Variants in CAMSAP2 observed in about 807,000 individuals in gnomAD.
CAMSAP2 encodes the protein calmodulin regulated spectrin associated protein family member 2, also known as calmodulin-regulated spectrin-associated protein 2.
A neutral mutation model predicts 146.1 loss-of-function variants in CAMSAP2; 26 were observed. The ratio of observed to expected loss-of-function variants is 0.18; its 90% CI spans 0.13 to 0.25. CAMSAP2 has a LOEUF of 0.25. Ranked by LOEUF, CAMSAP2 falls within the 10% of genes least tolerant of loss-of-function variation. CAMSAP2 has a pLI of 1.00. For synonymous variants in CAMSAP2, 499 were observed against 596.6 expected, an observed-to-expected ratio of 0.84 and a Z score of 2.38; for missense variants, 1,381 against 1,759.3, an observed-to-expected ratio of 0.78 and a Z score of 3.85.
chr1:200,815,645 GTATT>G lies in CAMSAP2; in HGVS notation c.645+7_645+10del, dbSNP rs752133732. ...AGTTGAAGCTCCAGGAGGTCAAAAG[GTATT>G]TATTTCAAAAACAAAAAGGTGCCTT... On this transcript the variant is annotated splice_donor_variant and splice_donor_5th_base_variant and intron_variant, in intron 4 of 16. Coordinates refer to ENST00000358823, the MANE Select transcript of CAMSAP2 (RefSeq NM_203459.4). LOFTEE classifies it high-confidence loss of function. 3.9e-6 allele frequency: 6 copies of G among 1,536,742 alleles called. No homozygotes were observed. In the African/African-American group the frequency reaches 5.6e-5, roughly 14 times the overall value.
At chr1:200,823,198 C>T (rs1208987053) in intron 4 of CAMSAP2, among the ~76,000 whole-genome samples, 1 of 152,140 alleles carries the variant, frequency 6.6e-6, no homozygotes, top group East Asian at 1.9e-4. Flanking sequence ...TTTTCTTCTT[C>T]CACCCATCTA....
intron 2 of CAMSAP2, among the ~76,000 whole-genome samples, chr1:200,793,032 AAAG>A (rs1451319082): frequency 6.6e-6 from 1 of 152,192 alleles, no homozygotes; most frequent in African/African-American, 2.4e-5. Flanking sequence ...TTTAAGATGA[AAAG>A]AAAATGCTAC....
In CAMSAP2 at chr1:200,860,284, T is replaced by A. The variant is rs1032379184; in HGVS notation, c.*2225T>A. ...GAAAAATATGCCATTTCATAAAGTC[T>A]GAGGATTTTCGTCAACCTTACTGAA... On this transcript the variant is annotated 3_prime_UTR_variant, in exon 17 of 17. Coordinates refer to ENST00000358823, the MANE Select transcript of CAMSAP2 (RefSeq NM_203459.4). 1 of 152,782 alleles carries A rather than the reference T, an allele frequency of 6.5e-6. No individual in the cohort carries two copies. The highest frequency in any genetic ancestry group is 1.5e-5 in the Non-Finnish European group (1 of 68,024). The allele number at this position is 152,782 out of a possible 1,614,324, so 9.5% of individuals were successfully genotyped here.
rs1330052523 is a variant in CAMSAP2, at chr1:200,860,478, T to C, written c.*2419T>C. 4 of 152,684 alleles carry C rather than the reference T, an allele frequency of 2.6e-5. No homozygotes were observed. Among genetic ancestry groups the C allele is most frequent in the Non-Finnish European group, 5.9e-5 (4 of 68,016 alleles). 9.5% of individuals were successfully genotyped at this position (152,684 alleles called of 1,614,324 possible). Reference sequence around the variant, plus strand: ...TTCCGTTTTGTATTAGAATGACTGTTACAGTTTTATTTGGCTGTTTAAAGC... The same window carrying C: ...TTCCGTTTTGTATTAGAATGACTGTCACAGTTTTATTTGGCTGTTTAAAGC... On this transcript the variant is annotated 3_prime_UTR_variant, in exon 17 of 17. Transcript: ENST00000358823.
intron 2 of CAMSAP2, among the ~76,000 whole-genome samples, chr1:200,780,779 C>T (rs1409735949): frequency 1.3e-5 from 2 of 152,178 alleles, no homozygotes; most frequent in Admixed American, 6.6e-5. Context: ...TCTTGTGAAA[C>T]CCCCTGCTGT....
chr1:200,802,047 TAAAACTGGATTTTATTTTA>T (rs1666049242), intron 2 of CAMSAP2, among the ~76,000 whole-genome samples: 2 of 152,216 alleles, frequency 1.3e-5, no homozygotes, highest in Admixed American at 1.3e-4. Flanking sequence ...TGTCTTGGTT[TAAAACTGGATTTTATTTTA>T]ACTAAATTCT....
intron 3 of CAMSAP2, among the ~76,000 whole-genome samples, chr1:200,814,589 G>A (rs568762741): frequency 8.0e-4 from 110 of 137,294 alleles, no homozygotes; most frequent in Non-Finnish European, 1.3e-3. Flanking sequence ...CAGCCTGGGC[G>A]ACAGTGTGAG....
rs919781130 is a variant in CAMSAP2, at chr1:200,852,451, G to C, written c.3466-90G>C. 1.7e-5 allele frequency: 24 copies of C among 1,439,694 alleles called. 1 individual carries two copies. Among genetic ancestry groups the C allele is most frequent in the Non-Finnish European group, 2.3e-5 (24 of 1,057,776 alleles). The allele number at this position is 1,439,694 out of a possible 1,614,324, so 89.2% of individuals were successfully genotyped here. On this transcript the variant is annotated intron_variant, in intron 11 of 16. Coordinates refer to ENST00000358823, the MANE Select transcript of CAMSAP2 (RefSeq NM_203459.4). ...GTAATAGTTCAAACTTTCAGTTATA[G>C]GACTAACCACAAAATGTGACTACAA...
intron 3 of CAMSAP2, among the ~76,000 whole-genome samples, chr1:200,809,921 T>C (rs962688061): frequency 2.0e-5 from 3 of 152,158 alleles, no homozygotes; most frequent in Admixed American, 1.3e-4. Context: ...TGTCTGAGCA[T>C]GTTAGCTCAG....
intron 4 of CAMSAP2, among the ~76,000 whole-genome samples, chr1:200,819,444 G>T (rs929908073): frequency 6.6e-6 from 1 of 152,098 alleles, no homozygotes; most frequent in Non-Finnish European, 1.5e-5. Context: ...TCTGGAAGCC[G>T]TACTTGAACG....
At chr1:200,799,565 C>A (rs1295044345) in intron 2 of CAMSAP2, among the ~76,000 whole-genome samples, 1 of 151,860 alleles carries the variant, frequency 6.6e-6, no homozygotes, top group Non-Finnish European at 1.5e-5. Context: ...TCTCTCTTTC[C>A]TTCTTTATTA....
intron 2 of CAMSAP2, among the ~76,000 whole-genome samples, chr1:200,787,460 G>C (rs1422910474): frequency 6.6e-6 from 1 of 152,174 alleles, no homozygotes; most frequent in Non-Finnish European, 1.5e-5. Context: ...ATAATTAGAA[G>C]TGAAGCCCGG....
At chr1:200,795,440 G>A (rs954665212) in intron 2 of CAMSAP2, among the ~76,000 whole-genome samples, 11 of 152,104 alleles carry the variant, frequency 7.2e-5, no homozygotes, top group Non-Finnish European at 1.5e-4. Context: ...TGGAACGACT[G>A]CTCTAAACTG....
At chr1:200,797,953 G>C (rs1164247429) in intron 2 of CAMSAP2, among the ~76,000 whole-genome samples, 17 of 152,174 alleles carry the variant, frequency 1.1e-4, no homozygotes, top group Middle Eastern at 3.4e-3. Flanking sequence ...GCATGTTTTT[G>C]TCAGGTTTGT....
intron 11 of CAMSAP2, among the ~76,000 whole-genome samples, chr1:200,851,397 G>T (rs377366552): frequency 8.6e-5 from 13 of 152,038 alleles, no homozygotes; most frequent in African/African-American, 2.7e-4. Flanking sequence ...GTTTCTCCAC[G>T]TTGGTCAGGC....
At chr1:200,817,079 T>C (rs1161275418) in intron 4 of CAMSAP2, among the ~76,000 whole-genome samples, 7 of 142,806 alleles carry the variant, frequency 4.9e-5, no homozygotes, top group African/African-American at 1.8e-4. Context: ...TATATGTGTA[T>C]ACACACACAC....
Position 200,849,918 on chromosome 1 carries a change from T to G in CAMSAP2, c.3149T>G (p.Leu1050Trp). Reference sequence around the variant, plus strand: ...GAGGAATTGGAATCCAAAGGGACTTTGGAACAGCGTGGACATAATCCAGAA... The same window carrying G: ...GAGGAATTGGAATCCAAAGGGACTTGGGAACAGCGTGGACATAATCCAGAA... ...KKEELESKGT[L>W]EQRGHNPEEK... Residue 1050 changes from leucine to tryptophan, a missense_variant, in exon 11 of 17, where the codon TTG becomes TGG. Physicochemically the swap from Leu to Trp is moderately conservative, Grantham distance 61. This residue lies in a region of CAMSAP2 where 560 missense variants were observed against 715.9 expected (regional missense o/e 0.78). Coordinates refer to ENST00000358823, the MANE Select transcript of CAMSAP2 (RefSeq NM_203459.4). The surrounding 1 kb of genome is among the most constrained non-coding windows in gnomAD (Gnocchi z 6.3). 2 of 1,614,172 alleles carry G rather than the reference T, an allele frequency of 1.2e-6. No individual in the cohort carries two copies. The highest frequency in any genetic ancestry group is 2.2e-5 in the South Asian group (2 of 91,082).
chr1:200,813,858 G>A (rs1021231261), intron 3 of CAMSAP2, among the ~76,000 whole-genome samples: 2 of 151,910 alleles, frequency 1.3e-5, no homozygotes, highest in Non-Finnish European at 2.9e-5. Flanking sequence ...CAACACTTTC[G>A]GAGGCTGAGG....
chr1:200,747,470 G>A lies in CAMSAP2; in HGVS notation c.139+7504G>A, dbSNP rs115512362. The stretch of plus-strand genomic sequence containing the variant: ...TTTTGAGGGGAATGTAGAGACAGAA[G>A]CATGACTAGGTTGAAAGTAAATGGG... On this transcript the variant is annotated intron_variant, in intron 1 of 16. Coordinates refer to ENST00000358823, the MANE Select transcript of CAMSAP2 (RefSeq NM_203459.4). Among the ~76,000 whole-genome samples the A allele has an allele frequency of 9.7e-3, 1,479 of 152,262 alleles. 24 individuals are homozygous for A. Among genetic ancestry groups the A allele is most frequent in the African/African-American group, 0.033 (1,369 of 41,560 alleles).
Sources: gnomAD v4.1 joint callset for allele counts (sites outside exome capture counted in the v4.1 genomes callset) on GRCh38, gnomAD v4.1.1 for gene constraint, gnomAD v4.1.1 regional missense constraint, Gnocchi (gnomAD v3.1) non-coding constraint, MANE v1.5 for transcripts, NCBI Gene and HGNC (gene_info 2026-07-23, HGNC 2026-07-21) for gene names.